LRP1B: variants seen among roughly 807,000 people sequenced by gnomAD.
LRP1B encodes the protein low-density lipoprotein receptor-related protein 1B.
LRP1B carries 217 observed loss-of-function variants against 556.6 expected under a neutral mutation model. The observed-to-expected ratio is 0.39, with a 90% CI of 0.35 to 0.44. The LOEUF (loss-of-function observed/expected upper bound fraction) is 0.44, where lower values mean the gene tolerates loss of function less well. Ranked by LOEUF, LRP1B falls within the 20% of genes least tolerant of loss-of-function variation. The pLI is 1.00. For synonymous variants in LRP1B, 2,047 were observed against 1,865.8 expected (o/e 1.10, Z -2.50); for missense variants, 5,053 against 5,620.8 (o/e 0.90, Z 3.23).
At chr2:140,916,790 T>G (rs1051150674) in intron 21 of LRP1B, among the ~76,000 whole-genome samples, 43 of 152,308 alleles carry the variant, frequency 2.8e-4, no homozygotes, top group Non-Finnish European at 4.4e-4. Flanking sequence ...ACAATGACAA[T>G]AGTTTCTTGT....
intron 29 of LRP1B, among the ~76,000 whole-genome samples, chr2:140,847,958 C>T (rs80284593): frequency 6.6e-6 from 1 of 151,904 alleles, no homozygotes; most frequent in South Asian, 2.1e-4. Context: ...AAGATAAACT[C>T]ACCAAATTAC....
intron 20 of LRP1B, among the ~76,000 whole-genome samples, chr2:140,946,649 C>T (rs1695557786): frequency 6.6e-6 from 1 of 151,932 alleles, no homozygotes; most frequent in Admixed American, 6.6e-5. Flanking sequence ...ACAGAACTAT[C>T]ATTTGACCCA....
intron 3 of LRP1B, among the ~76,000 whole-genome samples, chr2:141,401,622 C>G (rs1039357237): frequency 1.3e-5 from 2 of 152,134 alleles, no homozygotes; most frequent in African/African-American, 4.8e-5. Context: ...AACCATTTCA[C>G]ACTGTCATCA....
At chr2:141,026,930 A>G (rs753651122) in intron 11 of LRP1B, among the ~76,000 whole-genome samples, 1 of 152,130 alleles carries the variant, frequency 6.6e-6, no homozygotes, top group Non-Finnish European at 1.5e-5. Flanking sequence ...TTGACTCACA[A>G]GGACCTATGA....
At chr2:141,043,994 G>C (rs1464459732) in intron 11 of LRP1B, among the ~76,000 whole-genome samples, 1 of 151,920 alleles carries the variant, frequency 6.6e-6, no homozygotes, top group Non-Finnish European at 1.5e-5. Flanking sequence ...AAAGGTGGAG[G>C]CATCACACTA....
At position 141,297,911 on chromosome 2, in the gene LRP1B, A is replaced by G. The variant is rs1428287902; in HGVS notation, c.344-43270T>C. ...TTGTCACCTAGTAGCAATAGTCTAT[A>G]CTATATAGCCTAGTTATATAGCAGA... On this transcript the variant is annotated intron_variant, in intron 3 of 90. Transcript: ENST00000389484. Among the ~76,000 whole-genome samples the G allele has an allele frequency of 5.3e-5, 8 of 152,202 alleles. 1 individual carries two copies. The highest frequency in any genetic ancestry group is 5.2e-4 in the Admixed American group (8 of 15,278).
Position 140,886,298 on chromosome 2 carries a change from A to T in LRP1B, c.3804T>A (p.His1268Gln), listed in dbSNP as rs1451169896. Residue 1268 changes from histidine (H) to glutamine (Q), a missense_variant, in exon 24 of 91, where the codon CAT (histidine) becomes CAA (glutamine). By Grantham distance (24) the His-to-Gln change is conservative (BLOSUM62 0). Transcript: ENST00000389484. ...FEAFIIFSIR[H>Q]EIRRIDLHKR... ...TGTGAAGATCAATCCTTCTGATCTCATGACGAATAGAAAAGATGATGAATG... is the reference window on the plus strand; with the variant it reads ...TGTGAAGATCAATCCTTCTGATCTCTTGACGAATAGAAAAGATGATGAATG... 6.2e-7 allele frequency: 1 copy of T among 1,604,116 alleles called. No homozygotes were observed. Among genetic ancestry groups the T allele is most frequent in the East Asian group, 2.3e-5 (1 of 44,422 alleles).
rs983128754 is a variant in LRP1B, at chr2:140,628,344, C to T, written c.6800-26705G>A. ...AGGAGATCAAGACCATCCTGGCTAA[C>T]ACGTGAAACCCCGTCTCCAATAAAA... is the stretch of plus-strand genomic sequence containing the variant. On this transcript the variant is annotated intron_variant, in intron 41 of 90. Coordinates refer to ENST00000389484, the MANE Select transcript of LRP1B (RefSeq NM_018557.3). Among the ~76,000 whole-genome samples, 25 of 151,976 alleles carry T rather than the reference C, an allele frequency of 1.6e-4. 1 individual carries two copies. The highest frequency in any genetic ancestry group is 1.4e-3 in the Admixed American group (21 of 15,250).
intron 3 of LRP1B, among the ~76,000 whole-genome samples, chr2:141,467,813 GTTTGTTTGTTT>G (rs1682290539): frequency 5.3e-5 from 1 of 19,030 alleles, no homozygotes; most frequent in Non-Finnish European, 1.5e-4. Flanking sequence ...TTGTTTGTTT[GTTTGTTTGTTT>G]GTTTGTTTGC....
intron 3 of LRP1B, among the ~76,000 whole-genome samples, chr2:141,296,775 C>T (rs374588585): frequency 6.6e-6 from 1 of 151,998 alleles, no homozygotes; most frequent in Non-Finnish European, 1.5e-5. Flanking sequence ...ATGGGTATAT[C>T]GCATGATGCT....
intron 3 of LRP1B, among the ~76,000 whole-genome samples, chr2:141,472,376 C>T (rs72849053): frequency 0.44 from 66,687 of 151,692 alleles, 14,964 homozygotes; most frequent in Non-Finnish European, 0.49. Context: ...CCCGTCTGTA[C>T]TAAAAATACA....
intron 60 of LRP1B, among the ~76,000 whole-genome samples, chr2:140,462,186 T>A (rs969768255): frequency 6.6e-6 from 1 of 152,190 alleles, no homozygotes; most frequent in African/African-American, 2.4e-5. Flanking sequence ...TCCCATTTTT[T>A]AAAAGAATTC....
rs768424522 is a variant in LRP1B at position 140,516,844 on chromosome 2, G to A, written c.8149+45C>T. 5 of 1,582,406 alleles carry A rather than the reference G, an allele frequency of 3.2e-6. 1 individual carries two copies. In the Middle Eastern group the frequency reaches 5.0e-4, roughly 158 times the overall value. On this transcript the variant is annotated intron_variant, in intron 50 of 90. Coordinates refer to ENST00000389484, the MANE Select transcript of LRP1B (RefSeq NM_018557.3). ...TACATAAGAGAATACTAACATATAAGTAATAGTAAGGTTAACAAAAACTAA... is the reference window on the plus strand; with the variant it reads ...TACATAAGAGAATACTAACATATAAATAATAGTAAGGTTAACAAAAACTAA...
chr2:140,830,065 T>C (rs1400807779), intron 31 of LRP1B, among the ~76,000 whole-genome samples: 1 of 151,650 alleles, frequency 6.6e-6, no homozygotes, highest in Non-Finnish European at 1.5e-5. Context: ...CATGAAGAAA[T>C]AGAAAAGCCA....
chr2:140,564,857 T>C (rs1399131459), intron 43 of LRP1B, among the ~76,000 whole-genome samples: 1 of 152,148 alleles, frequency 6.6e-6, no homozygotes, highest in Non-Finnish European at 1.5e-5. Flanking sequence ...GAGCTTAAGA[T>C]ATACTAAGTT....
At chr2:140,255,011 G>T (rs897025001) in intron 86 of LRP1B, among the ~76,000 whole-genome samples, 6 of 152,132 alleles carry the variant, frequency 3.9e-5, no homozygotes, top group South Asian at 2.1e-4. Context: ...TTTAAAATTT[G>T]TAATTGTTTA....
At chr2:140,251,341 G>T (rs1287584097) in intron 86 of LRP1B, among the ~76,000 whole-genome samples, 1 of 151,760 alleles carries the variant, frequency 6.6e-6, no homozygotes, top group Non-Finnish European at 1.5e-5. Flanking sequence ...GAATTAAAAT[G>T]AGATATAAAA....
chr2:141,303,950 C>T (rs1394626597), intron 3 of LRP1B, among the ~76,000 whole-genome samples: 1 of 152,086 alleles, frequency 6.6e-6, no homozygotes, highest in Non-Finnish European at 1.5e-5. Flanking sequence ...TAATAATAAC[C>T]ATTCTAATTG....
At chr2:141,268,445 T>C (rs1300814526) in intron 3 of LRP1B, among the ~76,000 whole-genome samples, 2 of 152,160 alleles carry the variant, frequency 1.3e-5, no homozygotes, top group African/African-American at 2.4e-5. Context: ...TCAGGGCAGC[T>C]ATATTCCAAC....
Sources: allele counts gnomAD v4.1 joint callset (sites outside exome capture counted in the v4.1 genomes callset), GRCh38; gene constraint gnomAD v4.1.1; transcripts MANE v1.5; gene names NCBI Gene and HGNC (gene_info 2026-07-23, HGNC 2026-07-21).